The following MGAT4C variants were observed in gnomAD, a reference collection of about 807,000 sequenced individuals.
MGAT4C encodes the protein alpha-1,3-mannosyl-glycoprotein 4-beta-N-acetylglucosaminyltransferase C.
Under a neutral mutation model 40.1 loss-of-function variants are expected in MGAT4C, and 19 were observed. The ratio of observed to expected loss-of-function variants is 0.47; its 90% confidence interval spans 0.33 to 0.70. The LOEUF (loss-of-function observed/expected upper bound fraction) is 0.70. Among genes scored for constraint, MGAT4C ranks in the 30% least tolerant of loss-of-function variants. The pLI, the probability that MGAT4C is intolerant of heterozygous loss-of-function variation, is 0.02. For missense variants in MGAT4C, 491 were observed against 563.2 expected, an observed-to-expected ratio of 0.87 and a Z score of 1.30; for synonymous variants, 181 against 187.1, an observed-to-expected ratio of 0.97 and a Z score of 0.27.
chr12:86,567,372 C>T (rs1158444636), intron 2 of MGAT4C, among the ~76,000 whole-genome samples: 1 of 152,056 alleles, frequency 6.6e-6, no homozygotes, highest in African/African-American at 2.4e-5. Flanking sequence ...TGCCACCTGG[C>T]CACTTTGGGC....
chr12:86,767,658 C>T (rs1170163891), intron 1 of MGAT4C, among the ~76,000 whole-genome samples: 1 of 152,154 alleles, frequency 6.6e-6, no homozygotes, highest in East Asian at 1.9e-4. Flanking sequence ...CATCAAAAAG[C>T]TTATCTACCA....
chr12:86,159,583 G>A (rs144136335), intron 1 of MGAT4C, among the ~76,000 whole-genome samples: 85 of 152,036 alleles, frequency 5.6e-4, no homozygotes, highest in African/African-American at 2.0e-3. Context: ...TTTTTGGAAT[G>A]ATTTTAGTAG....
At chr12:86,672,062 A>G (rs1053981827) in intron 2 of MGAT4C, among the ~76,000 whole-genome samples, 6 of 152,178 alleles carry the variant, frequency 3.9e-5, no homozygotes, top group Admixed American at 2.6e-4. Context: ...AAACATTCAG[A>G]ACCTTGAAAT....
intron 1 of MGAT4C, among the ~76,000 whole-genome samples, chr12:86,791,888 G>T (rs577977828): frequency 4.6e-5 from 7 of 152,270 alleles, no homozygotes; most frequent in African/African-American, 1.7e-4. Flanking sequence ...GGGGAAAAGC[G>T]CAGTGATTGT....
At chr12:86,754,940 T>C (rs952766765) in intron 1 of MGAT4C, among the ~76,000 whole-genome samples, 2 of 152,124 alleles carry the variant, frequency 1.3e-5, no homozygotes, top group Non-Finnish European at 2.9e-5. Flanking sequence ...TTTTAATTCA[T>C]GGTGAGTCTC....
intron 1 of MGAT4C, among the ~76,000 whole-genome samples, chr12:86,797,802 C>A (rs1397648891): frequency 6.6e-6 from 1 of 151,984 alleles, no homozygotes; most frequent in South Asian, 2.1e-4. Flanking sequence ...ATTTGAACCT[C>A]TCTTCTTCTG....
rs1048688434 is a variant in MGAT4C, at chr12:86,142,282, A to G, written c.-56-92559T>C. ...ACACAGAGAGATGAAAATCAAGCCA[A>G]TATAGCACACATGTGCAGGTTAAAG... On this transcript the variant is annotated intron_variant, in intron 1 of 4. Transcript: ENST00000611864. Among the ~76,000 whole-genome samples, 3 of 152,192 alleles carry G rather than the reference A, an allele frequency of 2.0e-5. No individual in the cohort carries two copies. The South Asian group carries it at 6.2e-4, about 31-fold the overall frequency.
At chr12:86,676,374 T>C (rs1964400539) in intron 2 of MGAT4C, among the ~76,000 whole-genome samples, 1 of 152,322 alleles carries the variant, frequency 6.6e-6, no homozygotes, top group Non-Finnish European at 1.5e-5. Context: ...AAACCTTCTT[T>C]ATTTCCTGCC....
In MGAT4C at chr12:86,357,772, T is replaced by A. The variant is rs559222655; in HGVS notation, c.-119-23645A>T. Reference sequence around the variant, plus strand: ...AATGAAATGAAGCAAGAAGAGAAGTTTAAAGAAAAAAGAGTAAAAAGAATC... The same window carrying A: ...AATGAAATGAAGCAAGAAGAGAAGTATAAAGAAAAAAGAGTAAAAAGAATC... On this transcript the variant is annotated intron_variant, in intron 3 of 7. Coordinates refer to the MGAT4C transcript ENST00000548651. Among the ~76,000 whole-genome samples, 144 of 151,846 alleles carry A rather than the reference T, an allele frequency of 9.5e-4. 1 individual carries two copies. Among genetic ancestry groups the A allele is most frequent in the Non-Finnish European group, 1.8e-3 (125 of 67,942 alleles).
In MGAT4C at chr12:86,624,962, C is replaced by T. The variant is rs182987009; in HGVS notation, c.-229+102247G>A. Among the ~76,000 whole-genome samples, 915 of 152,104 alleles carry T rather than the reference C, an allele frequency of 6.0e-3. 5 individuals are homozygous for T. The highest frequency in any genetic ancestry group is 8.7e-3 in the Non-Finnish European group (594 of 68,002). On this transcript the variant is annotated intron_variant, in intron 2 of 7. Coordinates refer to the MGAT4C transcript ENST00000548651. The stretch of plus-strand genomic sequence containing the variant: ...CAAATTGTAATCCTGATAATCCCCA[C>T]GTGTCCAGGGAGGGATCTGGTGGGA...
chr12:86,418,430 C>G (rs927395457), intron 3 of MGAT4C, among the ~76,000 whole-genome samples: 18 of 151,874 alleles, frequency 1.2e-4, no homozygotes, highest in African/African-American at 4.1e-4. Context: ...TGGTGAAACT[C>G]CATCTCTACC....
At chr12:86,121,504 A>C (rs1384186252) in intron 1 of MGAT4C, among the ~76,000 whole-genome samples, 1 of 152,212 alleles carries the variant, frequency 6.6e-6, no homozygotes, top group East Asian at 1.9e-4. Context: ...GATAAAGGTC[A>C]GGTTACCCAC....
chr12:86,801,423 G>C (rs1952223700), intron 1 of MGAT4C, among the ~76,000 whole-genome samples: 1 of 151,952 alleles, frequency 6.6e-6, no homozygotes. Context: ...TTTAGGAACA[G>C]TAATGAATAT....
chr12:86,372,808 T>G (rs1955743373), intron 3 of MGAT4C, among the ~76,000 whole-genome samples: 1 of 151,858 alleles, frequency 6.6e-6, no homozygotes, highest in Non-Finnish European at 1.5e-5. Flanking sequence ...TGTTTAGTAT[T>G]TTGTCTAAAC....
chr12:86,263,494 C>A (rs547174469), intron 4 of MGAT4C, among the ~76,000 whole-genome samples: 2 of 152,220 alleles, frequency 1.3e-5, no homozygotes, highest in South Asian at 4.2e-4. Context: ...CATGTTGCTG[C>A]AAATGTCATA....
intron 2 of MGAT4C, among the ~76,000 whole-genome samples, chr12:86,589,208 T>C (rs1961212133): frequency 6.6e-6 from 1 of 151,896 alleles, no homozygotes; most frequent in Non-Finnish European, 1.5e-5. Context: ...CAATAAAAAA[T>C]GATAAAGGGG....
chr12:86,386,031 C>T (rs993640247), intron 3 of MGAT4C, among the ~76,000 whole-genome samples: 5 of 152,158 alleles, frequency 3.3e-5, no homozygotes, highest in South Asian at 2.1e-4. Flanking sequence ...CCCGGATTCA[C>T]GCCATTCTCC....
chr12:86,332,395 T>C (rs1954689301), intron 4 of MGAT4C, among the ~76,000 whole-genome samples: 1 of 151,936 alleles, frequency 6.6e-6, no homozygotes, highest in African/African-American at 2.4e-5. Flanking sequence ...TTTTTTTCTT[T>C]TTTTGGTATT....
At chr12:86,781,698 C>T (rs2136183194) in intron 1 of MGAT4C, among the ~76,000 whole-genome samples, 1 of 152,104 alleles carries the variant, frequency 6.6e-6, no homozygotes, top group African/African-American at 2.4e-5. Context: ...CCATTTTAGA[C>T]AATAATCTCA....
Sources: gnomAD v4.1 joint callset for allele counts (sites outside exome capture counted in the v4.1 genomes callset) on GRCh38, gnomAD v4.1.1 for gene constraint, MANE v1.5 for transcripts, NCBI Gene and HGNC (gene_info 2026-07-23, HGNC 2026-07-21) for gene names.